MAK: variants seen among roughly 807,000 people sequenced by gnomAD.
MAK encodes the protein male germ cell associated kinase.
MAK carries 65 observed loss-of-function variants against 82.6 expected under a neutral mutation model. The ratio of observed to expected loss-of-function variants is 0.79; its 90% confidence interval spans 0.64 to 0.97. The LOEUF (loss-of-function observed/expected upper bound fraction) is 0.97, where lower values mean the gene tolerates loss of function less well. Among genes scored for constraint, MAK ranks in the 50% least tolerant of loss-of-function variants. The probability of loss-of-function intolerance (pLI) is 0.00; values close to 1 mark genes in which losing one functional copy is unlikely to be tolerated. For synonymous variants in MAK, 250 were observed against 274.2 expected (o/e 0.91, Z 0.87); for missense variants, 703 against 780.2 (o/e 0.90, Z 1.18).
rs1213102463 is a variant in MAK at position 10,800,664 on chromosome 6, A to G, written c.831+1228T>C. ...AGACCAGCCTCACCAACATGGAGAA[A>G]CCCTGTCTCTACTAAAAATACAAAA... On this transcript the variant is annotated intron_variant, in intron 8 of 14. Transcript: ENST00000354489. This position sits in a 1 kb window ranked among gnomAD's most constrained non-coding sequence, Gnocchi z 4.2. Among the ~76,000 whole-genome samples, 2 of 151,758 alleles carry G rather than the reference A, an allele frequency of 1.3e-5. No individual in the cohort carries two copies. The highest frequency in any genetic ancestry group is 4.8e-5 in the African/African-American group (2 of 41,276).
At chr6:10,766,704 G>A (rs1214797034) in intron 14 of MAK, among the ~76,000 whole-genome samples, 4 of 152,114 alleles carry the variant, frequency 2.6e-5, no homozygotes, top group East Asian at 3.8e-4. Context: ...AGTAGAGAGC[G>A]GGGAGAGAGG....
chr6:10,790,109 T>C (rs1045372582), intron 10 of MAK, among the ~76,000 whole-genome samples: 4 of 152,176 alleles, frequency 2.6e-5, no homozygotes, highest in Non-Finnish European at 5.9e-5. Context: ...CCCTATGCCA[T>C]GTAAGAGTTG....
intron 11 of MAK, among the ~76,000 whole-genome samples, chr6:10,778,550 G>A (rs1022719027): frequency 2.0e-5 from 3 of 152,118 alleles, no homozygotes; most frequent in African/African-American, 7.2e-5. Flanking sequence ...GTTTTAAGGG[G>A]TGGGGAGGTG....
intron 11 of MAK, 86 bp from the exon 12 acceptor site, chr6:10,775,545 A>G: frequency 2.8e-6 from 4 of 1,408,390 alleles, no homozygotes; most frequent in Non-Finnish European, 4.0e-6. Context: ...AACAAAGACT[A>G]GAGACACCTT....
intron 8 of MAK, among the ~76,000 whole-genome samples, chr6:10,798,148 C>G (rs1488090806): frequency 1.6e-4 from 20 of 124,506 alleles, no homozygotes; most frequent in Admixed American, 4.7e-4. Flanking sequence ...GATGGAGTCT[C>G]GCTCTGTCAC....
At position 10,800,948 on chromosome 6, in the gene MAK, C is replaced by T. The variant is rs1379710223; in HGVS notation, c.831+944G>A. On this transcript the variant is annotated intron_variant, in intron 8 of 14. Coordinates refer to ENST00000354489, the MANE Select transcript of MAK (RefSeq NM_001242957.3). This position sits in a 1 kb window ranked among gnomAD's most constrained non-coding sequence, Gnocchi z 4.2. ...GAGCTAATGAATTTTCCCAGTATCA[C>T]CCACTGAGCCGTCCTCCCCTCTTTG... Among the ~76,000 whole-genome samples, 1 of 152,166 alleles carries T rather than the reference C, an allele frequency of 6.6e-6. No individual in the cohort carries two copies. Among genetic ancestry groups the T allele is most frequent in the African/African-American group, 2.4e-5 (1 of 41,420 alleles).
At chr6:10,825,347 T>C (rs1778283832) in intron 2 of MAK, among the ~76,000 whole-genome samples, 1 of 152,166 alleles carries the variant, frequency 6.6e-6, no homozygotes, top group South Asian at 2.1e-4. Flanking sequence ...GATCTTTCCC[T>C]TGGTTTCAGA....
rs1777453614 is a variant in MAK at position 10,815,926 on chromosome 6, ATATATATATATATATATAT to A, written c.278+1905_278+1923del. Among the ~76,000 whole-genome samples, 5 of 123,170 alleles carry A rather than the reference ATATATATATATATATATAT, an allele frequency of 4.1e-5. 1 individual carries two copies. Among genetic ancestry groups the A allele is most frequent in the African/African-American group, 1.9e-4 (5 of 26,576 alleles). The allele number at this position is 123,170 out of a possible 152,430, so 80.8% of individuals were successfully genotyped here. ...AGCTTTATACAGTATATATATATATATATATATATATATATATATATGTATGTTTTCTTTTTTGTTTGAG... is the reference window on the plus strand; with the variant it reads ...AGCTTTATACAGTATATATATATATAATGTATGTTTTCTTTTTTGTTTGAG... On this transcript the variant is annotated intron_variant, in intron 4 of 14. Coordinates refer to ENST00000354489, the MANE Select transcript of MAK (RefSeq NM_001242957.3).
chr6:10,782,241 CACACACACAG>C (rs961875771), intron 11 of MAK, among the ~76,000 whole-genome samples: 6 of 144,658 alleles, frequency 4.1e-5, no homozygotes, highest in African/African-American at 1.4e-4. Flanking sequence ...CACACACACA[CACACACACAG>C]ACACACACCA....
At chr6:10,784,706 G>A (rs922165063) in intron 10 of MAK, 134 bp from the exon 11 acceptor site, 1 of 809,298 alleles carries the variant, frequency 1.2e-6, no homozygotes, top group Non-Finnish European at 2.1e-6. Flanking sequence ...GTTTCCATCA[G>A]TCTTTTGGCT....
intron 10 of MAK, among the ~76,000 whole-genome samples, 193 bp downstream of exon 10, chr6:10,791,482 G>C (rs1775077678): frequency 6.6e-6 from 1 of 152,098 alleles, no homozygotes; most frequent in South Asian, 2.1e-4. Flanking sequence ...AGCCAGGCTA[G>C]TTTCAAACTC....
At chr6:10,813,353 A>G (rs867394746) in intron 5 of MAK, among the ~76,000 whole-genome samples, 149 of 149,814 alleles carry the variant, frequency 9.9e-4, no homozygotes, top group African/African-American at 3.2e-3. Flanking sequence ...GGGTTTCACC[A>G]TGTTGGCCAG....
In MAK at chr6:10,800,050, A is replaced by C. The variant is rs970600158; in HGVS notation, c.831+1842T>G. ...GCGATGGAGCGAGACTCCGTTTCAA[A>C]AACAAAAACAAAAACAAAAAAAAAC... On this transcript the variant is annotated intron_variant, in intron 8 of 14. Transcript: ENST00000354489. The surrounding 1 kb of genome is among the most constrained non-coding windows in gnomAD (Gnocchi z 4.2). 7.1e-6 allele frequency among the ~76,000 whole-genome samples: 1 copy of C among 141,560 alleles called. No homozygotes were observed. The highest frequency in any genetic ancestry group is 1.5e-5 in the Non-Finnish European group (1 of 67,806). 92.9% of individuals were successfully genotyped at this position (141,560 alleles called of 152,430 possible). A position where few individuals can be genotyped will look rare whatever the true frequency, so the allele number is the denominator to read the frequency against.
chr6:10,789,104 T>C (rs1561952503), intron 10 of MAK, among the ~76,000 whole-genome samples: 1 of 148,302 alleles, frequency 6.7e-6, no homozygotes, highest in Non-Finnish European at 1.5e-5. Context: ...TAGGAAGGAG[T>C]ACCTATGGAA....
At chr6:10,775,530 A>G (rs2127519259) in intron 11 of MAK, 71 bp from the exon 12 acceptor site, 2 of 1,527,822 alleles carry the variant, frequency 1.3e-6, no homozygotes, top group Non-Finnish European at 1.8e-6. Context: ...TATGTAATAC[A>G]TTCAAACAAA....
intron 10 of MAK, 40 bp from the exon 11 acceptor site, chr6:10,784,612 CGA>C (rs753229834): frequency 7.7e-7 from 1 of 1,297,096 alleles, no homozygotes; most frequent in Admixed American, 2.2e-5. Context: ...GCACGAACAA[CGA>C]GAGGATCTCG....
At chr6:10,779,967 C>T (rs1351637496) in intron 11 of MAK, among the ~76,000 whole-genome samples, 1 of 152,176 alleles carries the variant, frequency 6.6e-6, no homozygotes, top group Non-Finnish European at 1.5e-5. Context: ...GGATTACAGG[C>T]GTGAGCCACC....
chr6:10,805,837 C>A (rs1450853005), intron 6 of MAK, among the ~76,000 whole-genome samples: 2 of 152,190 alleles, frequency 1.3e-5, no homozygotes, highest in Non-Finnish European at 2.9e-5. Context: ...TCCCAAGGTG[C>A]CTTCACGTGT....
chr6:10,817,129 A>AGTGTGTGTGTGTGTGTGT (rs60627741), intron 4 of MAK, among the ~76,000 whole-genome samples: 1 of 149,840 alleles, frequency 6.7e-6, no homozygotes, highest in Non-Finnish European at 1.5e-5. Context: ...CTTGAGCGAG[A>AGTGTGTGTGTGTGTGTGT]GTGTGTGTGT....
Sources: gnomAD v4.1 joint callset for allele counts (sites outside exome capture counted in the v4.1 genomes callset) on GRCh38, gnomAD v4.1.1 for gene constraint, Gnocchi (gnomAD v3.1) non-coding constraint, MANE v1.5 for transcripts, NCBI Gene and HGNC (gene_info 2026-07-23, HGNC 2026-07-21) for gene names.